The following RNF40 variants were observed in gnomAD, a reference collection of about 807,000 sequenced individuals.
The protein encoded by RNF40 is ring finger protein 40.
Under a neutral mutation model 123.3 loss-of-function variants are expected in RNF40, and 39 were observed. That is an observed-to-expected ratio of 0.32 (90% CI 0.24 to 0.41). RNF40 has a LOEUF of 0.41. Ranked by LOEUF, RNF40 falls within the 10% of genes least tolerant of loss-of-function variation. The probability of loss-of-function intolerance (pLI) is 1.00; values close to 1 mark genes in which losing one functional copy is unlikely to be tolerated. For missense variants in RNF40, 1,003 were observed against 1,319.9 expected (o/e 0.76, Z 3.72); for synonymous variants, 538 against 526.0 (o/e 1.02, Z -0.31).
chr16:30,772,444 A>G (rs1259975725), intron 19 of RNF40, among the ~76,000 whole-genome samples: 3 of 152,118 alleles, frequency 2.0e-5, no homozygotes, highest in African/African-American at 7.2e-5. Context: ...TCAGGGGAGG[A>G]GGCAGCCAAG....
At chr16:30,762,103 G>C (rs1314295844), upstream of RNF40, 2 of 373,186 alleles carry the variant, frequency 5.4e-6, no homozygotes, top group Non-Finnish European at 9.7e-6. Flanking sequence ...GTGGGAGCGC[G>C]GTGTCAGTTA....
rs780603312 is a variant in RNF40 at position 30,767,937 on chromosome 16, A to G, written c.1473A>G (p.Gln491=). The change falls in exon 12 of 20, where the codon CAA becomes CAG. Residue 491 remains glutamine (Q), a synonymous_variant. Transcript: ENST00000324685. ...TGCGCCACCTGATTAGTAGTCTTCA[A>G]AACCACAACCACCAGCTAAAAGGGG... ...REMRHLISSL[Q]NHNHQLKGDA... 29 of 1,614,068 alleles carry G rather than the reference A, an allele frequency of 1.8e-5. No homozygotes were observed. The South Asian group carries it at 2.9e-4, about 16-fold the overall frequency.
In RNF40 at chr16:30,766,385, C is replaced by T. The variant is rs148387316; in HGVS notation, c.1120C>T (p.Leu374=). The T allele has an allele frequency of 2.1e-5, 34 of 1,612,918 alleles. No individual in the cohort carries two copies. The African/African-American group carries it at 3.5e-4, about 16-fold the overall frequency. ...TTGGGCATCCCTGCCCCAGGTGGCC[C>T]TGCGGAGCCTTCCTGAGGAGGTAGT... ...VRTNERLKVA[L]RSLPEEVVRE... The change falls in exon 10 of 20, where the codon CTG becomes TTG. Residue 374 remains leucine, a synonymous_variant. Transcript: ENST00000324685. The surrounding 1 kb of genome is among the most constrained non-coding windows in gnomAD (Gnocchi z 5.4).
Position 30,769,001 on chromosome 16 carries a change from G to T in RNF40, c.2247+14G>T. On this transcript the variant is annotated intron_variant, in intron 15 of 19. Coordinates refer to ENST00000324685, the MANE Select transcript of RNF40 (RefSeq NM_014771.4). ...GCCACCAAGCAGGTGCGGCCCATGT[G>T]GTGCCCTCGCGTCGGAGCGCAGGGA... The T allele has an allele frequency of 6.2e-7, 1 of 1,613,712 alleles. No individual in the cohort carries two copies. The highest frequency in any genetic ancestry group is 8.5e-7 in the Non-Finnish European group (1 of 1,179,880).
rs537928506 is a variant in RNF40, at chr16:30,763,342, T to A, written c.300+57T>A. ...TTGATTCAGCTGCCAATCCCCAGATTCCCCTGCTAGGAAAGGAGTATCATG... is the reference window on the plus strand; with the variant it reads ...TTGATTCAGCTGCCAATCCCCAGATACCCCTGCTAGGAAAGGAGTATCATG... On this transcript the variant is annotated intron_variant, in intron 3 of 19. Transcript: ENST00000324685. 2.0e-4 allele frequency: 321 copies of A among 1,609,130 alleles called. 4 individuals are homozygous for A. In the South Asian group the frequency reaches 3.3e-3, roughly 16 times the overall value.
chr16:30,763,669 A>G (rs2053948160), intron 4 of RNF40, 110 bp downstream of exon 4: 5 of 1,160,330 alleles, frequency 4.3e-6, no homozygotes, highest in Non-Finnish European at 6.1e-6. Context: ...ACTTCTCACG[A>G]AATGGATTTC....
At chr16:30,770,017 A>G (rs2054118926) in intron 17 of RNF40, among the ~76,000 whole-genome samples, 1 of 151,626 alleles carries the variant, frequency 6.6e-6, no homozygotes, top group Admixed American at 6.6e-5. Flanking sequence ...TGAGAGGATC[A>G]CTTGAACCCA....
In RNF40 at chr16:30,768,055, C is replaced by G; in HGVS notation, c.1551+40C>G. The G allele has an allele frequency of 6.2e-7, 1 of 1,614,138 alleles. No homozygotes were observed. Among genetic ancestry groups the G allele is most frequent in the Non-Finnish European group, 8.5e-7 (1 of 1,179,994 alleles). On this transcript the variant is annotated intron_variant, in intron 12 of 19. Coordinates refer to ENST00000324685, the MANE Select transcript of RNF40 (RefSeq NM_014771.4). This position sits in a 1 kb window ranked among gnomAD's most constrained non-coding sequence, Gnocchi z 4.1. ...GCCTGGGAAAAGGTTTGGCTAGACT[C>G]CAGTGAACACCATCTGACTTCATCC... is the stretch of plus-strand genomic sequence containing the variant.
chr16:30,768,379 C>A lies in RNF40; in HGVS notation c.1828C>A (p.Pro610Thr). ...CCGGGGCCGAGAACCTGAGGCCAGG[C>A]CCAAGCGGGAGCTTCGGGAACGGGA... is the stretch of plus-strand genomic sequence containing the variant. ...SSRGREPEAR[P>T]KRELREREGP... The change falls in exon 13 of 20, where the codon CCC (proline) becomes ACC (threonine). Residue 610 changes from proline to threonine, a missense_variant. Pro to Thr is a conservative substitution (Grantham distance 38). Coordinates refer to ENST00000324685, the MANE Select transcript of RNF40 (RefSeq NM_014771.4). This position sits in a 1 kb window ranked among gnomAD's most constrained non-coding sequence, Gnocchi z 4.1. 6.2e-7 allele frequency: 1 copy of A among 1,613,672 alleles called. No homozygotes were observed. The highest frequency in any genetic ancestry group is 8.5e-7 in the Non-Finnish European group (1 of 1,179,846).
At chr16:30,761,961 C>T (rs766021704), upstream of RNF40, 2 of 581,462 alleles carry the variant, frequency 3.4e-6, no homozygotes, top group Middle Eastern at 9.2e-4. Flanking sequence ...GGAAGGAAGG[C>T]GGAAAGCGCA....
chr16:30,771,618 A>AAAAAACAAAAACAAAAACAAAAAC (rs1567288217), intron 17 of RNF40, among the ~76,000 whole-genome samples: 6 of 150,336 alleles, frequency 4.0e-5, no homozygotes, highest in Non-Finnish European at 9.0e-5. Flanking sequence ...CTCCGTCTCA[A>AAAAAACAAAAACAAAAACAAAAAC]AAAAACAAAA....
At chr16:30,761,630 G>A (rs1348808841), upstream of RNF40, 3 of 1,536,084 alleles carry the variant, frequency 2.0e-6, no homozygotes, top group South Asian at 2.4e-5. Flanking sequence ...ACGCGTCCGC[G>A]CGGCCGACCC....
At position 30,767,431 on chromosome 16, in the gene RNF40, T is replaced by C. The variant is rs550761154; in HGVS notation, c.1430-463T>C. Among the ~76,000 whole-genome samples the C allele has an allele frequency of 9.9e-5, 15 of 152,144 alleles. No homozygotes were observed. The East Asian group carries it at 2.9e-3, about 29-fold the overall frequency. On this transcript the variant is annotated intron_variant, in intron 11 of 19. Transcript: ENST00000324685. ...GTACTGGGAAGGTGATATTTAAGAA[T>C]CTAGAAGAAGTTAACTAACTTTTGT...
intron 15 of RNF40, 56 bp from the exon 16 acceptor site, chr16:30,769,130 C>G: frequency 4.4e-6 from 7 of 1,600,920 alleles, no homozygotes; most frequent in Non-Finnish European, 1.7e-6. Flanking sequence ...ATGGTTCCCC[C>G]ACAGCCATCC....
intron 17 of RNF40, 46 bp downstream of exon 17, chr16:30,769,646 C>A (rs1466748807): frequency 2.0e-6 from 3 of 1,482,498 alleles, no homozygotes; most frequent in Non-Finnish European, 2.7e-6. Flanking sequence ...GCTGGCTCAC[C>A]TCCTCACCTT....
Position 30,766,484 on chromosome 16 carries a change from ACC to A in RNF40, c.1221_1222del (p.Gln408AlafsTer52). 6.2e-7 allele frequency: 1 copy of A among 1,613,696 alleles called. No individual in the cohort carries two copies. Among genetic ancestry groups the A allele is most frequent in the Non-Finnish European group, 8.5e-7 (1 of 1,179,984 alleles). On this transcript the variant is annotated frameshift_variant, in exon 10 of 20. Transcript: ENST00000324685. LOFTEE classifies it high-confidence loss of function. This position sits in a 1 kb window ranked among gnomAD's most constrained non-coding sequence, Gnocchi z 5.4. ...CTACAACGAGTCTCTGCAAGTGAAG[ACC>A]CAGCTAGACGAGGCTCGGGGCCTGC... is the stretch of plus-strand genomic sequence containing the variant. ...LLYNESLQVK[T>X]QLDEARGLLL...
Position 30,774,697 on chromosome 16 carries a change from G to C in RNF40, c.*583G>C. On this transcript the variant is annotated 3_prime_UTR_variant, in exon 20 of 20. Coordinates refer to ENST00000324685, the MANE Select transcript of RNF40 (RefSeq NM_014771.4). ...GGAGGTACCCTCTTGGCAGATGGGG[G>C]CATCACTTGCTTCCTTTGGGAAGCT... 3.1e-6 allele frequency: 1 copy of C among 321,912 alleles called. No individual in the cohort carries two copies. Among genetic ancestry groups the C allele is most frequent in the Non-Finnish European group, 6.1e-6 (1 of 164,902 alleles). The allele number at this position is 321,912 out of a possible 1,614,324, so 19.9% of individuals were successfully genotyped here. A position where few individuals can be genotyped will look rare whatever the true frequency, so the allele number is the denominator to read the frequency against.
At chr16:30,762,017 G>A, upstream of RNF40, 1 of 514,266 alleles carries the variant, frequency 1.9e-6, no homozygotes, top group Non-Finnish European at 3.4e-6. Flanking sequence ...TACGTGAGAA[G>A]TTGCGAGTGC....
Position 30,768,448 on chromosome 16 carries a change from A to G in RNF40, c.1897A>G (p.Arg633Gly), listed in dbSNP as rs1402061270. 1.2e-6 allele frequency: 2 copies of G among 1,612,980 alleles called. No individual in the cohort carries two copies. Among genetic ancestry groups the G allele is most frequent in the East Asian group, 2.2e-5 (1 of 44,858 alleles). ...TCCACCTGTAGCCTCCGCTCTCTCA[A>G]GGGCTGATCGGGAGAAGGCCAAGGT... The part of the protein sequence containing the change: ...GPPPVASALS[R>G]ADREKAKVEE... Residue 633 changes from arginine (R) to glycine (G), a missense_variant, in exon 13 of 20, where the codon AGG becomes GGG. This residue lies in a region of RNF40 where 295 missense variants were observed against 331.7 expected (regional missense o/e 0.89). Coordinates refer to ENST00000324685, the MANE Select transcript of RNF40 (RefSeq NM_014771.4). The surrounding 1 kb of genome is among the most constrained non-coding windows in gnomAD (Gnocchi z 4.1).
Sources: allele counts gnomAD v4.1 joint callset (sites outside exome capture counted in the v4.1 genomes callset), GRCh38; gene constraint gnomAD v4.1.1; regional missense constraint gnomAD v4.1.1; non-coding constraint Gnocchi (gnomAD v3.1); transcripts MANE v1.5; gene names NCBI Gene and HGNC (gene_info 2026-07-23, HGNC 2026-07-21).